Variants in SEMA3A observed in about 807,000 individuals in gnomAD.
The protein encoded by SEMA3A is semaphorin-3A.
A neutral mutation model predicts 97.9 loss-of-function variants in SEMA3A; 29 were observed. That is an observed-to-expected ratio of 0.30 (90% confidence interval 0.22 to 0.40). The LOEUF is 0.40. Among genes scored for constraint, SEMA3A ranks in the 10% least tolerant of loss-of-function variants. The pLI is 1.00. For missense variants in SEMA3A, 763 were observed against 951.3 expected (o/e 0.80, Z 2.60); for synonymous variants, 321 against 323.7 (o/e 0.99, Z 0.09).
intron 3 of SEMA3A, among the ~76,000 whole-genome samples, chr7:84,258,879 A>G (rs539101552): frequency 2.9e-4 from 44 of 151,696 alleles, no homozygotes; most frequent in African/African-American, 7.7e-4. Context: ...CCAACACTCT[A>G]GGGATTATCT....
chr7:84,451,374 T>C (rs1233013099), intron 1 of SEMA3A, among the ~76,000 whole-genome samples: 1 of 152,204 alleles, frequency 6.6e-6, no homozygotes, highest in Non-Finnish European at 1.5e-5. Context: ...GAAAAGTCTC[T>C]GTTGTCAGTT....
At chr7:84,392,168 G>A (rs928747177) in intron 1 of SEMA3A, among the ~76,000 whole-genome samples, 43 of 152,032 alleles carry the variant, frequency 2.8e-4, no homozygotes, top group Admixed American at 2.0e-3. Flanking sequence ...AGAGGTATTC[G>A]TCATGCTGTG....
chr7:84,261,949 C>A (rs1031941566), intron 3 of SEMA3A, among the ~76,000 whole-genome samples: 1 of 151,948 alleles, frequency 6.6e-6, no homozygotes, highest in Admixed American at 6.6e-5. Context: ...ATATTGTTAT[C>A]TTTTTTCTTA....
intron 1 of SEMA3A, among the ~76,000 whole-genome samples, chr7:84,167,110 A>G (rs1217494015): frequency 1.8e-5 from 1 of 54,404 alleles, no homozygotes; most frequent in Non-Finnish European, 4.9e-5. Context: ...ACATTTATCC[A>G]GAAGATGAAG....
At chr7:84,387,466 G>T (rs953380558) in intron 1 of SEMA3A, among the ~76,000 whole-genome samples, 1 of 152,074 alleles carries the variant, frequency 6.6e-6, no homozygotes, top group Non-Finnish European at 1.5e-5. Context: ...GTTAGGAGAA[G>T]CACAGATTAA....
At chr7:84,417,100 C>A (rs1804457132) in intron 1 of SEMA3A, among the ~76,000 whole-genome samples, 1 of 152,006 alleles carries the variant, frequency 6.6e-6, no homozygotes. Context: ...GCTGCATTTA[C>A]AATAAATACT....
intron 1 of SEMA3A, among the ~76,000 whole-genome samples, chr7:84,484,077 G>A (rs1348361369): frequency 2.0e-5 from 3 of 151,340 alleles, no homozygotes; most frequent in Non-Finnish European, 1.5e-5. Context: ...GAAAAAATCT[G>A]GGTTTTGTCA....
intron 4 of SEMA3A, among the ~76,000 whole-genome samples, chr7:84,062,068 AG>A (rs1793237964): frequency 6.6e-6 from 1 of 152,206 alleles, no homozygotes; most frequent in Non-Finnish European, 1.5e-5. Context: ...GTTAATTTGG[AG>A]GGTTAAATAA....
At chr7:84,150,518 C>T (rs1347145958) in intron 1 of SEMA3A, among the ~76,000 whole-genome samples, 1 of 152,218 alleles carries the variant, frequency 6.6e-6, no homozygotes, top group Non-Finnish European at 1.5e-5. Flanking sequence ...CACCCGAATA[C>T]TGTGCTTTTC....
chr7:84,425,886 ACAC>A (rs1804813714), intron 1 of SEMA3A, among the ~76,000 whole-genome samples: 1 of 148,384 alleles, frequency 6.7e-6, no homozygotes, highest in Admixed American at 6.8e-5. Context: ...ACCCACACAC[ACAC>A]TACTCAGTCT....
chr7:83,980,426 G>T (rs1218477788), intron 14 of SEMA3A, among the ~76,000 whole-genome samples: 2 of 151,260 alleles, frequency 1.3e-5, no homozygotes, highest in African/African-American at 4.9e-5. Flanking sequence ...CCAACATGGT[G>T]AAACCCTGTG....
intron 13 of SEMA3A, among the ~76,000 whole-genome samples, chr7:83,984,982 C>A (rs1323928972): frequency 1.3e-5 from 2 of 151,924 alleles, no homozygotes; most frequent in African/African-American, 4.8e-5. Flanking sequence ...CACATATAGC[C>A]AGTGAATAAT....
At chr7:84,060,793 A>T (rs1342813962) in intron 4 of SEMA3A, among the ~76,000 whole-genome samples, 2 of 152,234 alleles carry the variant, frequency 1.3e-5, no homozygotes, top group Admixed American at 6.5e-5. Context: ...GTTGCAAACA[A>T]TAATGTGTAA....
intron 1 of SEMA3A, among the ~76,000 whole-genome samples, chr7:84,151,629 G>A (rs1288765498): frequency 6.6e-6 from 1 of 152,178 alleles, no homozygotes; most frequent in Non-Finnish European, 1.5e-5. Flanking sequence ...GTACCTGAAA[G>A]TGATGGGGAG....
At chr7:84,013,997 C>T (rs774430646) in intron 7 of SEMA3A, among the ~76,000 whole-genome samples, 6 of 152,072 alleles carry the variant, frequency 3.9e-5, no homozygotes, top group Non-Finnish European at 7.3e-5. Context: ...TGAAATAATG[C>T]CAGTTACCTC....
chr7:84,042,958 C>T (rs73187439), intron 6 of SEMA3A, among the ~76,000 whole-genome samples: 16,442 of 151,860 alleles, frequency 0.11, 1,344 homozygotes, highest in African/African-American at 0.23. Context: ...TAAATATACA[C>T]AGAACAATTT....
At chr7:84,376,483 A>G (rs1321160463) in intron 1 of SEMA3A, among the ~76,000 whole-genome samples, 1 of 142,264 alleles carries the variant, frequency 7.0e-6, no homozygotes, top group Non-Finnish European at 1.5e-5. Context: ...GGGCGCCTGT[A>G]GTCCCAGCTA....
intron 13 of SEMA3A, among the ~76,000 whole-genome samples, chr7:83,984,339 C>T (rs188975803): frequency 6.6e-6 from 1 of 152,192 alleles, no homozygotes; most frequent in East Asian, 1.9e-4. Flanking sequence ...ATAACAGTAT[C>T]AGGTCAATCG....
intron 1 of SEMA3A, among the ~76,000 whole-genome samples, chr7:84,165,069 A>C (rs1173565420): frequency 1.3e-5 from 2 of 152,102 alleles, no homozygotes; most frequent in Non-Finnish European, 1.5e-5. Flanking sequence ...TTAGCCAGGC[A>C]TAGTGGCACG....
Sources: gnomAD v4.1 joint callset for allele counts (sites outside exome capture counted in the v4.1 genomes callset) on GRCh38, gnomAD v4.1.1 for gene constraint, MANE v1.5 for transcripts, NCBI Gene and HGNC (gene_info 2026-07-23, HGNC 2026-07-21) for gene names.